Variants in NTRK1 observed in about 807,000 individuals in gnomAD.
NTRK1 encodes high affinity nerve growth factor receptor.
A neutral mutation model predicts 86.8 loss-of-function variants in NTRK1; 62 were observed. The ratio of observed to expected loss-of-function variants is 0.71; its 90% CI spans 0.58 to 0.88. NTRK1 has a LOEUF of 0.88. NTRK1 is among the 40% of genes least tolerant of loss of function. The pLI is 0.00. For synonymous variants in NTRK1, 469 were observed against 456.6 expected, an observed-to-expected ratio of 1.03 and a Z score of -0.35; for missense variants, 967 against 1,078.4, an observed-to-expected ratio of 0.90 and a Z score of 1.45.
chr1:156,860,891 C>A lies in NTRK1; in HGVS notation c.-44C>A. 5.7e-6 allele frequency: 8 copies of A among 1,403,428 alleles called. No individual in the cohort carries two copies. Among genetic ancestry groups the A allele is most frequent in the African/African-American group, 1.5e-5 (1 of 65,802 alleles). 86.9% of individuals were successfully genotyped at this position (1,403,428 alleles called of 1,614,324 possible). Reference sequence around the variant, plus strand: ...GAGGCCTGGCAGCTGCAGCTGGGAGCGCACAGACGGCTGCCCCGCCTGAGC... The same window carrying A: ...GAGGCCTGGCAGCTGCAGCTGGGAGAGCACAGACGGCTGCCCCGCCTGAGC... On this transcript the variant is annotated 5_prime_UTR_variant, in exon 1 of 17. Coordinates refer to ENST00000524377, the MANE Select transcript of NTRK1 (RefSeq NM_002529.4).
At chr1:156,873,520 G>T in intron 7 of NTRK1, 113 bp from the exon 8 acceptor site, 4 of 828,778 alleles carry the variant, frequency 4.8e-6, no homozygotes, top group South Asian at 2.9e-5. Flanking sequence ...TTTCTCCCAG[G>T]CCTGCCCTTT....
chr1:156,880,076 C>T lies in NTRK1; in HGVS notation c.2124C>T (p.Ser708=), dbSNP rs1371693296. ...TGTACCGTAAGTTCACCACCGAGAG[C>T]GACGTGTGGAGCTTCGGCGTGGTGC... The part of the protein sequence containing the change: ...SILYRKFTTE[S]DVWSFGVVLW... The change falls in exon 16 of 17, where the codon AGC becomes AGT. Residue 708 remains serine, a synonymous_variant. Transcript: ENST00000524377. 6.2e-6 allele frequency: 10 copies of T among 1,613,580 alleles called. No individual in the cohort carries two copies. Among genetic ancestry groups the T allele is most frequent in the African/African-American group, 1.3e-5 (1 of 74,850 alleles).
At chr1:156,866,522 C>T (rs1189078017) in intron 3 of NTRK1, among the ~76,000 whole-genome samples, 2 of 152,188 alleles carry the variant, frequency 1.3e-5, no homozygotes, top group Admixed American at 6.5e-5. Flanking sequence ...CCCCCTCTTC[C>T]TCTGGCCCCG....
chr1:156,864,416 A>T lies in NTRK1; in HGVS notation c.275A>T (p.Glu92Val). 2 of 1,613,736 alleles carry T rather than the reference A, an allele frequency of 1.2e-6. No homozygotes were observed. The highest frequency in any genetic ancestry group is 1.7e-6 in the Non-Finnish European group (2 of 1,179,900). ...LELRDLRGLG[E>V]LRNLTIVKSG... ...CTCCGTGATCTGAGGGGCCTGGGGGAGCTGAGAAACCTGTGAGGGAAACGG... is the reference window on the plus strand; with the variant it reads ...CTCCGTGATCTGAGGGGCCTGGGGGTGCTGAGAAACCTGTGAGGGAAACGG... The change falls in exon 2 of 17, where the codon GAG becomes GTG. Residue 92 changes from glutamate (E) to valine (V), a missense_variant. Physicochemically the swap from Glu to Val is moderately radical, Grantham distance 121. Around this residue, in one of 2 missense-constraint regions of NTRK1, gnomAD observed 330 missense variants for 302.0 expected, o/e 1.09. Transcript: ENST00000524377.
intron 4 of NTRK1, 35 bp from the exon 5 acceptor site, chr1:156,868,047 CCCTGTGATCCCTCAGGCCCTTT>C: frequency 6.2e-7 from 1 of 1,603,622 alleles, no homozygotes; most frequent in Non-Finnish European, 8.5e-7. Context: ...CCCTCTTATC[CCCTGTGATCCCTCAGGCCCTTT>C]CCTTGACTCT....
chr1:156,857,628 G>A (rs1432709622), upstream of NTRK1, among the ~76,000 whole-genome samples: 1 of 152,158 alleles, frequency 6.6e-6, no homozygotes, highest in Non-Finnish European at 1.5e-5. Flanking sequence ...TCTGTGACTA[G>A]CACCCTTTAG....
At chr1:156,857,299 T>G (rs1558093519), upstream of NTRK1, among the ~76,000 whole-genome samples, 1 of 151,570 alleles carries the variant, frequency 6.6e-6, no homozygotes, top group Non-Finnish European at 1.5e-5. Flanking sequence ...CAAAAGCCAA[T>G]CAGGCTCTGC....
At chr1:156,845,381 C>A in intron 2 of NTRK1, 1 of 1,573,274 alleles carries the variant, frequency 6.4e-7, no homozygotes. Context: ...CCTTTGGGGG[C>A]TCTTGTTGAT....
intron 1 of NTRK1, 56 bp downstream of exon 1, chr1:156,861,202 C>G: frequency 4.6e-6 from 7 of 1,516,962 alleles, no homozygotes; most frequent in Non-Finnish European, 6.2e-6. Flanking sequence ...TTGCAGTGCC[C>G]CGAGGGCGCG....
intron 1 of NTRK1, among the ~76,000 whole-genome samples, chr1:156,822,899 T>A (rs948455109): frequency 3.9e-5 from 6 of 152,164 alleles, no homozygotes; most frequent in Admixed American, 2.0e-4. Flanking sequence ...CAAGACATTC[T>A]CCTCCCTGAC....
Position 156,879,272 on chromosome 1 carries a change from C to A in NTRK1, c.1956C>A (p.Ala652=). 1 of 1,613,914 alleles carries A rather than the reference C, an allele frequency of 6.2e-7. No individual in the cohort carries two copies. The highest frequency in any genetic ancestry group is 8.5e-7 in the Non-Finnish European group (1 of 1,180,034). The change falls in exon 15 of 17, where the codon GCC becomes GCA. Residue 652 remains alanine, a synonymous_variant. Coordinates refer to ENST00000524377, the MANE Select transcript of NTRK1 (RefSeq NM_002529.4). ...TGCATTTTGTGCACCGGGACCTGGC[C>A]ACACGCAACTGTCTAGTGGGCCAGG... ...AGLHFVHRDL[A]TRNCLVGQGL... is the part of the protein sequence containing the mutation.
chr1:156,841,621 C>T (rs1654787746), intron 1 of NTRK1: 2 of 1,609,894 alleles, frequency 1.2e-6, no homozygotes, highest in Non-Finnish European at 1.7e-6. Context: ...TCCCCAGATC[C>T]CGCCTCCACA....
chr1:156,879,593 ACT>A (rs1457911571), intron 15 of NTRK1, among the ~76,000 whole-genome samples: 1 of 151,896 alleles, frequency 6.6e-6, no homozygotes, highest in Non-Finnish European at 1.5e-5. Flanking sequence ...GAGAGCCACC[ACT>A]GTTTGTTTAT....
intron 1 of NTRK1, among the ~76,000 whole-genome samples, chr1:156,817,047 T>TTCTGTC (rs1553256342): frequency 8.8e-6 from 1 of 113,782 alleles, no homozygotes; most frequent in Non-Finnish European, 1.8e-5. Flanking sequence ...GAACTTCCCT[T>TTCTGTC]TCTCTCTCTC....
chr1:156,861,063 C>A lies in NTRK1; in HGVS notation c.129C>A (p.His43Gln), dbSNP rs1309163464. ...CCTGCCCCGATGCCTGCTGCCCCCA[C>A]GGCTCCTCGGGACTGCGATGCACCC... The part of the protein sequence containing the change: ...AAPCPDACCP[H>Q]GSSGLRCTRD... Residue 43 changes from histidine to glutamine, a missense_variant, in exon 1 of 17, where the codon CAC (histidine) becomes CAA (glutamine). By Grantham distance (24) the His-to-Gln change is conservative. Around this residue, in one of 2 missense-constraint regions of NTRK1, gnomAD observed 330 missense variants for 302.0 expected, o/e 1.09. Coordinates refer to ENST00000524377, the MANE Select transcript of NTRK1 (RefSeq NM_002529.4). 1.9e-6 allele frequency: 3 copies of A among 1,567,540 alleles called. No homozygotes were observed. Among genetic ancestry groups the A allele is most frequent in the Non-Finnish European group, 2.6e-6 (3 of 1,161,016 alleles).
chr1:156,844,156 C>T (rs374540478), intron 2 of NTRK1: 82 of 1,574,382 alleles, frequency 5.2e-5, no homozygotes, highest in Middle Eastern at 1.7e-4. Context: ...GGGTGGGGAC[C>T]GGTGGGACTT....
At chr1:156,870,824 T>C (rs1647505872) in intron 6 of NTRK1, among the ~76,000 whole-genome samples, 1 of 152,224 alleles carries the variant, frequency 6.6e-6, no homozygotes, top group Non-Finnish European at 1.5e-5. Flanking sequence ...TTCAGCAAGA[T>C]GAAGAATTGT....
chr1:156,861,017 T>A lies in NTRK1; in HGVS notation c.83T>A (p.Leu28Gln). Residue 28 changes from leucine (L) to glutamine (Q), a missense_variant, in exon 1 of 17, where the codon CTG (leucine) becomes CAG (glutamine). By Grantham distance (113) the Leu-to-Gln change is moderately radical. This residue lies in a region of NTRK1 where 330 missense variants were observed against 302.0 expected (regional missense o/e 1.09). Coordinates refer to ENST00000524377, the MANE Select transcript of NTRK1 (RefSeq NM_002529.4). ...GGCAGCCTGCTGGCTTGGCTGATACTGGCATCTGCGGGCGCCGCACCCTGC... is the reference window on the plus strand; with the variant it reads ...GGCAGCCTGCTGGCTTGGCTGATACAGGCATCTGCGGGCGCCGCACCCTGC... The part of the protein sequence containing the change: ...GPGSLLAWLI[L>Q]ASAGAAPCPD... The A allele has an allele frequency of 6.5e-7, 1 of 1,540,272 alleles. No homozygotes were observed. Among genetic ancestry groups the A allele is most frequent in the Non-Finnish European group, 8.7e-7 (1 of 1,148,752 alleles).
Position 156,864,817 on chromosome 1 carries a change from T to C in NTRK1, c.359+18T>C. The C allele has an allele frequency of 6.2e-7, 1 of 1,609,964 alleles. No individual in the cohort carries two copies. The highest frequency in any genetic ancestry group is 8.5e-7 in the Non-Finnish European group (1 of 1,178,466). Reference sequence around the variant, plus strand: ...AGTCGCCTGTGAGTGTGGCCAGTGCTGGGCAGTGGGAGTTGGGGAGGACAC... The same window carrying C: ...AGTCGCCTGTGAGTGTGGCCAGTGCCGGGCAGTGGGAGTTGGGGAGGACAC... On this transcript the variant is annotated intron_variant, in intron 3 of 16. Transcript: ENST00000524377.
Sources: allele counts gnomAD v4.1 joint callset (sites outside exome capture counted in the v4.1 genomes callset), GRCh38; gene constraint gnomAD v4.1.1; regional missense constraint gnomAD v4.1.1; transcripts MANE v1.5; gene names NCBI Gene and HGNC (gene_info 2026-07-23, HGNC 2026-07-21).